The following SIPA1L3 variants were observed in gnomAD, a reference collection of about 807,000 sequenced individuals.
SIPA1L3 encodes the protein signal induced proliferation associated 1 like 3.
Under a neutral mutation model 150.1 loss-of-function variants are expected in SIPA1L3, and 59 were observed. The ratio of observed to expected loss-of-function variants is 0.39; its 90% CI spans 0.32 to 0.49. The LOEUF (loss-of-function observed/expected upper bound fraction) is 0.49, where lower values mean the gene tolerates loss of function less well. Ranked by LOEUF, SIPA1L3 falls within the 20% of genes least tolerant of loss-of-function variation. The pLI is 0.86. For missense variants in SIPA1L3, 2,211 were observed against 2,489.5 expected (o/e 0.89, Z 2.38); for synonymous variants, 1,070 against 1,077.6 (o/e 0.99, Z 0.14).
At chr19:38,130,327 G>T (rs1173587282) in intron 9 of SIPA1L3, among the ~76,000 whole-genome samples, 171 bp from the exon 10 acceptor site, 1 of 152,222 alleles carries the variant, frequency 6.6e-6, no homozygotes, top group East Asian at 1.9e-4. Context: ...AGGAAGCCAG[G>T]CTGGGACCGG....
At chr19:38,187,985 G>A (rs929648495) in intron 16 of SIPA1L3, among the ~76,000 whole-genome samples, 2 of 150,904 alleles carry the variant, frequency 1.3e-5, no homozygotes, top group Non-Finnish European at 2.9e-5. Flanking sequence ...GACAGAGTGA[G>A]ACTCTGTCTC....
At chr19:38,060,113 A>T (rs766968049) in intron 2 of SIPA1L3, among the ~76,000 whole-genome samples, 1 of 152,154 alleles carries the variant, frequency 6.6e-6, no homozygotes, top group African/African-American at 2.4e-5. Flanking sequence ...TCTGCACTTC[A>T]CAGTCACCAT....
At chr19:37,925,503 T>C (rs1354186845) in intron 1 of SIPA1L3, among the ~76,000 whole-genome samples, 1 of 151,730 alleles carries the variant, frequency 6.6e-6, no homozygotes, top group Non-Finnish European at 1.5e-5. Flanking sequence ...AGAGAGGAGA[T>C]ATTTGCAGAT....
At chr19:38,195,112 C>T (rs570424799) in intron 18 of SIPA1L3, among the ~76,000 whole-genome samples, 1 of 152,290 alleles carries the variant, frequency 6.6e-6, no homozygotes, top group East Asian at 1.9e-4. Flanking sequence ...CACTCCTTGC[C>T]CTGGTGGTGT....
chr19:38,062,627 T>A (rs28369357), intron 2 of SIPA1L3, among the ~76,000 whole-genome samples: 169 of 131,908 alleles, frequency 1.3e-3, no homozygotes, highest in Middle Eastern at 3.9e-3. Flanking sequence ...TATTATTTTT[T>A]TTTTTGAGAA....
intron 10 of SIPA1L3, among the ~76,000 whole-genome samples, chr19:38,134,785 C>G (rs1971397529): frequency 6.6e-6 from 1 of 150,472 alleles, no homozygotes; most frequent in African/African-American, 2.5e-5. Context: ...ACACTGGCAC[C>G]AAGATACTGG....
At chr19:37,972,561 G>A (rs1323024217) in intron 1 of SIPA1L3, among the ~76,000 whole-genome samples, 3 of 152,018 alleles carry the variant, frequency 2.0e-5, no homozygotes, top group Admixed American at 6.6e-5. Flanking sequence ...AAACTTAGCC[G>A]GGCATGGTGG....
At chr19:37,917,236 C>T (rs1599790386) in intron 1 of SIPA1L3, among the ~76,000 whole-genome samples, 4 of 152,158 alleles carry the variant, frequency 2.6e-5, no homozygotes. Flanking sequence ...TCGGTGGCTA[C>T]ATGTGGCTAA....
intron 1 of SIPA1L3, among the ~76,000 whole-genome samples, chr19:37,924,342 TG>T (rs1168014076): frequency 6.6e-6 from 1 of 151,976 alleles, no homozygotes; most frequent in Non-Finnish European, 1.5e-5. Flanking sequence ...CACGTGGAGC[TG>T]TCACTTCCTA....
chr19:37,974,020 G>A lies in SIPA1L3; in HGVS notation c.-378-55069G>A, dbSNP rs1295294218. 2.6e-5 allele frequency among the ~76,000 whole-genome samples: 4 copies of A among 152,182 alleles called. No homozygotes were observed. In the East Asian group the frequency reaches 7.7e-4, roughly 29 times the overall value. On this transcript the variant is annotated intron_variant, in intron 1 of 21. Coordinates refer to ENST00000222345, the MANE Select transcript of SIPA1L3 (RefSeq NM_015073.3). ...GCAGCAAATTAACAGGACATGGGCA[G>A]CCCAGAGGCAAAGTGACTTCCCCAT... is the stretch of plus-strand genomic sequence containing the variant.
intron 1 of SIPA1L3, among the ~76,000 whole-genome samples, chr19:37,997,137 T>A (rs963407348): frequency 6.6e-6 from 1 of 152,166 alleles, no homozygotes; most frequent in Non-Finnish European, 1.5e-5. Context: ...CAAGTACATG[T>A]GCAACTTTTA....
At chr19:38,077,090 A>C (rs997839276) in intron 2 of SIPA1L3, among the ~76,000 whole-genome samples, 1 of 152,208 alleles carries the variant, frequency 6.6e-6, no homozygotes, top group Non-Finnish European at 1.5e-5. Flanking sequence ...AAAAAATGTC[A>C]AGATGGCAGG....
At chr19:37,988,449 G>A (rs1023877636) in intron 1 of SIPA1L3, among the ~76,000 whole-genome samples, 3 of 152,190 alleles carry the variant, frequency 2.0e-5, no homozygotes, top group Non-Finnish European at 4.4e-5. Flanking sequence ...GCCGAGGCGG[G>A]TGGATCACCT....
At chr19:38,181,670 G>T (rs145331324) in intron 15 of SIPA1L3, among the ~76,000 whole-genome samples, 1 of 151,346 alleles carries the variant, frequency 6.6e-6, no homozygotes, top group African/African-American at 2.4e-5. Flanking sequence ...ATGGTGAAAC[G>T]CTGTCTCTAC....
At chr19:38,100,181 C>CT (rs1225593875) in intron 5 of SIPA1L3, 31 bp downstream of exon 5, 1 of 1,499,706 alleles carries the variant, frequency 6.7e-7, no homozygotes, top group African/African-American at 1.4e-5. Context: ...GGGGGTGCTG[C>CT]TGGGGCAGTA....
intron 2 of SIPA1L3, among the ~76,000 whole-genome samples, chr19:38,041,872 G>A (rs2145741941): frequency 6.6e-6 from 1 of 152,304 alleles, no homozygotes; most frequent in African/African-American, 2.4e-5. Flanking sequence ...ACCACACCTG[G>A]CCCTTTGCTA....
In SIPA1L3 at chr19:38,204,169, G is replaced by A; in HGVS notation, c.5163G>A (p.Leu1721=). The A allele has an allele frequency of 1.3e-6, 2 of 1,560,078 alleles. No homozygotes were observed. Among genetic ancestry groups the A allele is most frequent in the Non-Finnish European group, 1.7e-6 (2 of 1,151,096 alleles). The change falls in exon 21 of 22, where the codon CTG becomes CTA. Residue 1721 remains leucine, a synonymous_variant. Coordinates refer to ENST00000222345, the MANE Select transcript of SIPA1L3 (RefSeq NM_015073.3). ...PLDLTGKVYQ[L]EVMLKQLHTD... Reference sequence around the variant, plus strand: ...ATCTGACAGGCAAGGTGTACCAGCTGGAGGTGATGCTGAAACAGCTGCACA... The same window carrying A: ...ATCTGACAGGCAAGGTGTACCAGCTAGAGGTGATGCTGAAACAGCTGCACA...
intron 2 of SIPA1L3, among the ~76,000 whole-genome samples, chr19:38,049,805 C>T (rs1039473063): frequency 6.6e-6 from 1 of 152,162 alleles, no homozygotes; most frequent in South Asian, 2.1e-4. Context: ...CCCGCTTCCC[C>T]ATACCTCTCG....
intron 15 of SIPA1L3, among the ~76,000 whole-genome samples, chr19:38,181,045 C>T (rs933501453): frequency 6.6e-6 from 1 of 152,150 alleles, no homozygotes; most frequent in Admixed American, 6.5e-5. Flanking sequence ...CCCTTGATAC[C>T]GTCCCAAAGG....
Sources: allele counts gnomAD v4.1 joint callset (sites outside exome capture counted in the v4.1 genomes callset), GRCh38; gene constraint gnomAD v4.1.1; transcripts MANE v1.5; gene names NCBI Gene and HGNC (gene_info 2026-07-23, HGNC 2026-07-21).